The following MNAT1 variants were observed in gnomAD, a reference collection of about 807,000 sequenced individuals.
MNAT1 encodes CDK-activating kinase assembly factor MAT1.
MNAT1 carries 43 observed loss-of-function variants against 42.0 expected under a neutral mutation model. The ratio of observed to expected loss-of-function variants is 1.02; its 90% CI spans 0.80 to 1.32. MNAT1 has a LOEUF of 1.32. MNAT1 is among the 40% of genes most tolerant of loss of function. MNAT1 has a pLI of 0.00. For missense variants in MNAT1, 306 were observed against 350.4 expected (o/e 0.87, Z 1.01); for synonymous variants, 118 against 120.0 (o/e 0.98, Z 0.11).
chr14:60,843,875 G>C (rs1594796425), intron 6 of MNAT1, among the ~76,000 whole-genome samples: 1 of 151,946 alleles, frequency 6.6e-6, no homozygotes, highest in East Asian at 1.9e-4. Context: ...CTTCCCCCAA[G>C]TCACAACGAT....
At chr14:60,811,069 T>C (rs61991706) in intron 4 of MNAT1, among the ~76,000 whole-genome samples, 37,150 of 151,974 alleles carry the variant, frequency 0.24, 4,957 homozygotes, top group Middle Eastern at 0.33. Context: ...TTGATCCTTT[T>C]ATCATTATAT....
At chr14:60,821,139 T>C (rs2032878381) in intron 6 of MNAT1, among the ~76,000 whole-genome samples, 1 of 152,170 alleles carries the variant, frequency 6.6e-6, no homozygotes, top group African/African-American at 2.4e-5. Context: ...ATCCACATTA[T>C]GTTATGCTTT....
intron 7 of MNAT1, among the ~76,000 whole-genome samples, chr14:60,948,181 A>G (rs2139600474): frequency 6.6e-6 from 1 of 152,328 alleles, no homozygotes; most frequent in Non-Finnish European, 1.5e-5. Context: ...CTGTAATCTC[A>G]GCGCTTACCA....
intron 6 of MNAT1, among the ~76,000 whole-genome samples, chr14:60,845,304 T>A (rs1355601370): frequency 6.6e-6 from 1 of 152,012 alleles, no homozygotes; most frequent in Non-Finnish European, 1.5e-5. Flanking sequence ...CTACTCAGCT[T>A]TTCTCTATTT....
chr14:60,912,181 T>G (rs2139529566), intron 7 of MNAT1, among the ~76,000 whole-genome samples: 1 of 152,316 alleles, frequency 6.6e-6, no homozygotes, highest in South Asian at 2.1e-4. Context: ...TTGGTAGATC[T>G]TCCTCCATCC....
chr14:60,834,749 C>T (rs561827904), intron 6 of MNAT1, among the ~76,000 whole-genome samples: 3 of 152,244 alleles, frequency 2.0e-5, no homozygotes, highest in East Asian at 1.9e-4. Flanking sequence ...CTAAAATTGA[C>T]AGTGGGGTGT....
rs1382437187 is a variant in MNAT1 at position 60,918,683 on chromosome 14, T to C, written c.809+38848T>C. 5.3e-5 allele frequency among the ~76,000 whole-genome samples: 8 copies of C among 150,924 alleles called. No individual in the cohort carries two copies. In the South Asian group the frequency reaches 1.0e-3, roughly 20 times the overall value. On this transcript the variant is annotated intron_variant, in intron 7 of 7. Coordinates refer to ENST00000261245, the MANE Select transcript of MNAT1 (RefSeq NM_002431.4). ...CAAAATGGATGGTCAAGGTTCTTGT[T>C]CCAAATTATTGTGGAATGAAATCTA...
intron 7 of MNAT1, among the ~76,000 whole-genome samples, chr14:60,897,004 T>A (rs1261051141): frequency 2.0e-5 from 3 of 152,322 alleles, no homozygotes; most frequent in African/African-American, 7.2e-5. Flanking sequence ...GACAGATTAG[T>A]TATAAGTAAG....
chr14:60,824,310 T>C (rs1272212202), intron 6 of MNAT1, among the ~76,000 whole-genome samples: 2 of 152,178 alleles, frequency 1.3e-5, no homozygotes, highest in African/African-American at 4.8e-5. Context: ...CTTTGAATTT[T>C]AAAATTGCCT....
chr14:60,818,922 A>G (rs2032798784), intron 6 of MNAT1, 75 bp downstream of exon 6: 14 of 1,504,208 alleles, frequency 9.3e-6, no homozygotes, highest in East Asian at 6.8e-5. Flanking sequence ...CACGATTTCT[A>G]TAGTAAACCG....
chr14:60,760,835 T>C (rs1000933481), intron 1 of MNAT1, among the ~76,000 whole-genome samples: 1 of 152,242 alleles, frequency 6.6e-6, no homozygotes, highest in African/African-American at 2.4e-5. Context: ...CAAAGGCTAA[T>C]GGATTCCACA....
intron 7 of MNAT1, among the ~76,000 whole-genome samples, chr14:60,941,917 T>C (rs1420134901): frequency 7.6e-6 from 1 of 131,146 alleles, no homozygotes; most frequent in East Asian, 2.4e-4. Context: ...GGCAGGAGAA[T>C]GGCATGAAAC....
At chr14:60,765,413 C>T (rs2030775097) in intron 1 of MNAT1, among the ~76,000 whole-genome samples, 1 of 152,090 alleles carries the variant, frequency 6.6e-6, no homozygotes, top group African/African-American at 2.4e-5. Context: ...AGGAGAAATA[C>T]CTGATGTAGA....
intron 7 of MNAT1, among the ~76,000 whole-genome samples, chr14:60,940,664 G>T (rs865858051): frequency 6.6e-6 from 1 of 152,040 alleles, no homozygotes; most frequent in Non-Finnish European, 1.5e-5. Context: ...TGATCTGCCC[G>T]CCTTGGTCCC....
At chr14:60,889,142 G>A (rs559049822) in intron 7 of MNAT1, among the ~76,000 whole-genome samples, 1 of 152,266 alleles carries the variant, frequency 6.6e-6, no homozygotes, top group Non-Finnish European at 1.5e-5. Context: ...GCATCGCTGA[G>A]TCAATTGTAA....
At chr14:60,797,163 A>G (rs2032045509) in intron 2 of MNAT1, among the ~76,000 whole-genome samples, 1 of 152,130 alleles carries the variant, frequency 6.6e-6, no homozygotes, top group Admixed American at 6.5e-5. Flanking sequence ...AACCCAGGTA[A>G]CCAGTGTTTT....
intron 7 of MNAT1, among the ~76,000 whole-genome samples, chr14:60,922,079 A>T (rs925358425): frequency 2.0e-5 from 3 of 152,192 alleles, no homozygotes; most frequent in African/African-American, 7.2e-5. Flanking sequence ...GTCGGAAAAA[A>T]AGTAATTATT....
At position 60,818,710 on chromosome 14, in the gene MNAT1, C is replaced by T; in HGVS notation, c.562-12C>T. 6.4e-7 allele frequency: 1 copy of T among 1,561,674 alleles called. No individual in the cohort carries two copies. ...TTTTACATTTCTTATTGAACTTGAA[C>T]TATTCTTACAGGAGAGTTCTGATCT... On this transcript the variant is annotated splice_polypyrimidine_tract_variant and intron_variant, in intron 5 of 7. Transcript: ENST00000261245.
intron 1 of MNAT1, among the ~76,000 whole-genome samples, chr14:60,772,973 C>T (rs188861175): frequency 2.0e-5 from 3 of 150,966 alleles, no homozygotes; most frequent in South Asian, 2.1e-4. Context: ...CTCTCTCTGT[C>T]GCCGGGTTGG....
Sources: gnomAD v4.1 joint callset for allele counts (sites outside exome capture counted in the v4.1 genomes callset) on GRCh38, gnomAD v4.1.1 for gene constraint, MANE v1.5 for transcripts, NCBI Gene and HGNC (gene_info 2026-07-23, HGNC 2026-07-21) for gene names.